YES1: variants seen among roughly 807,000 people sequenced by gnomAD.
The protein encoded by YES1 is tyrosine-protein kinase Yes.
YES1 carries 39 observed loss-of-function variants against 70.4 expected under a neutral mutation model. The observed-to-expected ratio is 0.55, with a 90% CI of 0.43 to 0.72. The LOEUF (loss-of-function observed/expected upper bound fraction) is 0.72. YES1 is among the 30% of genes least tolerant of loss of function. The pLI is 0.00. For synonymous variants in YES1, 198 were observed against 218.6 expected (o/e 0.91, Z 0.83); for missense variants, 495 against 644.8 (o/e 0.77, Z 2.52).
intron 1 of YES1, among the ~76,000 whole-genome samples, chr18:808,733 C>T (rs543835699): frequency 3.2e-4 from 48 of 152,264 alleles, no homozygotes; most frequent in African/African-American, 1.2e-3. Context: ...AATGCAAAGC[C>T]ACAATATCAA....
rs1260350903 is a variant in YES1 at position 811,677 on chromosome 18, A to G, written c.-9+437T>C. Among the ~76,000 whole-genome samples the G allele has an allele frequency of 3.9e-5, 6 of 152,318 alleles. No homozygotes were observed. The South Asian group carries it at 6.2e-4, about 16-fold the overall frequency. ...CCCACACACCCGCTCCTCTCCCCGC[A>G]CAGCTGCTACCGGCGTCGGCCGATA... On this transcript the variant is annotated intron_variant, in intron 1 of 11. Transcript: ENST00000314574.
rs543030645 is a variant in YES1, at chr18:781,599, G to A, written c.-8-24764C>T. 5.9e-5 allele frequency among the ~76,000 whole-genome samples: 9 copies of A among 152,252 alleles called. No homozygotes were observed. In the South Asian group the frequency reaches 1.9e-3, roughly 32 times the overall value. ...AGACAAGAAAAATTTCTCTCTTGTA[G>A]CTTAGCCTAGTGTTGGCTCATAGCT... is the stretch of plus-strand genomic sequence containing the variant. On this transcript the variant is annotated intron_variant, in intron 1 of 11. Transcript: ENST00000314574.
chr18:722,180 C>G lies in YES1; in HGVS notation c.*2244G>C, dbSNP rs537789231. ...AATATGCTTAGAAAAATTACAATAT[C>G]ATAGTTCACATAAAGCCCTTAAAAA... On this transcript the variant is annotated 3_prime_UTR_variant, in exon 12 of 12. Transcript: ENST00000314574. 1 of 152,494 alleles carries G rather than the reference C, an allele frequency of 6.6e-6. No homozygotes were observed. The highest frequency in any genetic ancestry group is 1.5e-5 in the Non-Finnish European group (1 of 68,014). 9.4% of individuals were successfully genotyped at this position (152,494 alleles called of 1,614,324 possible).
chr18:726,607 C>G (rs541507204), intron 11 of YES1, among the ~76,000 whole-genome samples: 2 of 151,186 alleles, frequency 1.3e-5, no homozygotes, highest in South Asian at 2.1e-4. Flanking sequence ...TGGCGAAACC[C>G]CCTCTCTACT....
intron 1 of YES1, among the ~76,000 whole-genome samples, chr18:759,373 A>T (rs1415760229): frequency 6.6e-6 from 1 of 152,220 alleles, no homozygotes; most frequent in Admixed American, 6.5e-5. Flanking sequence ...AGGCTGGCGC[A>T]GGAGAATTGC....
intron 7 of YES1, 73 bp downstream of exon 7, chr18:743,187 T>C: frequency 1.3e-6 from 2 of 1,559,276 alleles, no homozygotes; most frequent in Non-Finnish European, 1.7e-6. Flanking sequence ...TATTGAAACA[T>C]ATTTTATCAT....
intron 1 of YES1, among the ~76,000 whole-genome samples, chr18:774,140 G>A (rs1194986665): frequency 1.3e-5 from 2 of 152,130 alleles, no homozygotes; most frequent in African/African-American, 4.8e-5. Context: ...CTTCCCATCT[G>A]CTTTGTAAGA....
At chr18:728,856 T>G (rs1343104451) in intron 11 of YES1, among the ~76,000 whole-genome samples, 1 of 152,212 alleles carries the variant, frequency 6.6e-6, no homozygotes, top group African/African-American at 2.4e-5. Context: ...GAATGCTCAA[T>G]CTGCACCACC....
chr18:805,593 C>T (rs896949807), intron 1 of YES1, among the ~76,000 whole-genome samples: 2 of 152,176 alleles, frequency 1.3e-5, no homozygotes, highest in Non-Finnish European at 2.9e-5. Context: ...CAAGGCTAAA[C>T]AGCTCTTCAC....
At chr18:760,344 C>T (rs1904524279) in intron 1 of YES1, among the ~76,000 whole-genome samples, 1 of 152,052 alleles carries the variant, frequency 6.6e-6, no homozygotes, top group African/African-American at 2.4e-5. Context: ...GTGGTGCGCA[C>T]CTGTAGTCCC....
rs1401912506 is a variant in YES1 at position 761,239 on chromosome 18, G to A, written c.-8-4404C>T. On this transcript the variant is annotated intron_variant, in intron 1 of 11. Transcript: ENST00000314574. Reference sequence around the variant, plus strand: ...TCAGGGCCAAGCACTGTTCTTTGCCGTTTAAAAAAAAAAAAAAAAAGTTTA... The same window carrying A: ...TCAGGGCCAAGCACTGTTCTTTGCCATTTAAAAAAAAAAAAAAAAAGTTTA... 3.4e-4 allele frequency among the ~76,000 whole-genome samples: 49 copies of A among 143,462 alleles called. 1 individual carries two copies. The highest frequency in any genetic ancestry group is 3.7e-3 in the Middle Eastern group (1 of 270). 94.1% of individuals were successfully genotyped at this position (143,462 alleles called of 152,430 possible).
chr18:731,315 T>C (rs892002525), intron 11 of YES1, among the ~76,000 whole-genome samples: 4 of 152,138 alleles, frequency 2.6e-5, no homozygotes, highest in Non-Finnish European at 4.4e-5. Flanking sequence ...TGTATTAAGA[T>C]GACAATGAGT....
chr18:809,132 T>G (rs1473651325), intron 1 of YES1, among the ~76,000 whole-genome samples: 2 of 152,188 alleles, frequency 1.3e-5, no homozygotes, highest in African/African-American at 4.8e-5. Context: ...AACATTTTGA[T>G]TATCTTCTAT....
chr18:776,949 C>A (rs1488787139), intron 1 of YES1, among the ~76,000 whole-genome samples: 1 of 152,206 alleles, frequency 6.6e-6, no homozygotes, highest in Non-Finnish European at 1.5e-5. Flanking sequence ...CTTTCCCTAT[C>A]ATCTACTAAT....
At chr18:731,939 C>T (rs1470818906) in intron 11 of YES1, among the ~76,000 whole-genome samples, 1 of 136,368 alleles carries the variant, frequency 7.3e-6, no homozygotes, top group African/African-American at 2.9e-5. Flanking sequence ...TGCACTCCAG[C>T]CTGGGCGACA....
intron 1 of YES1, among the ~76,000 whole-genome samples, chr18:804,729 A>G (rs148072218): frequency 0.019 from 2,850 of 151,254 alleles, 40 homozygotes; most frequent in Non-Finnish European, 0.025. Flanking sequence ...CCTGACCAAC[A>G]TGGAGAAATC....
At chr18:753,482 C>T (rs923446836) in intron 2 of YES1, among the ~76,000 whole-genome samples, 2 of 151,528 alleles carry the variant, frequency 1.3e-5, no homozygotes, top group Non-Finnish European at 2.9e-5. Context: ...CTTGTCAGAT[C>T]AAAAAAAAAT....
rs1488556760 is a variant in YES1, at chr18:722,846, A to G, written c.*1578T>C. 1.3e-5 allele frequency: 2 copies of G among 152,368 alleles called. No homozygotes were observed. The highest frequency in any genetic ancestry group is 4.8e-5 in the African/African-American group (2 of 41,574). The allele number at this position is 152,368 out of a possible 1,614,324, so 9.4% of individuals were successfully genotyped here. On this transcript the variant is annotated 3_prime_UTR_variant, in exon 12 of 12. Coordinates refer to ENST00000314574, the MANE Select transcript of YES1 (RefSeq NM_005433.4). ...GGTGGCTCACGCCTGTAATCCCAGC[A>G]CTTTGGGAGGCCGAGGCGGGCAGAT...
intron 7 of YES1, 65 bp from the exon 8 acceptor site, chr18:743,162 A>G: frequency 1.9e-6 from 3 of 1,548,918 alleles, no homozygotes; most frequent in Non-Finnish European, 2.6e-6. Flanking sequence ...TTCAGTGAAC[A>G]GCACTTCTCT....
Sources: gnomAD v4.1 joint callset for allele counts (sites outside exome capture counted in the v4.1 genomes callset) on GRCh38, gnomAD v4.1.1 for gene constraint, MANE v1.5 for transcripts, NCBI Gene and HGNC (gene_info 2026-07-23, HGNC 2026-07-21) for gene names.